SLC24A3: variants seen among roughly 807,000 people sequenced by gnomAD.
SLC24A3 encodes the protein solute carrier family 24 member 3, also known as sodium/potassium/calcium exchanger 3.
Under a neutral mutation model 75.8 loss-of-function variants are expected in SLC24A3, and 28 were observed. The observed-to-expected ratio is 0.37, with a 90% CI of 0.27 to 0.51. The LOEUF (loss-of-function observed/expected upper bound fraction) is 0.51. Among genes scored for constraint, SLC24A3 ranks in the 20% least tolerant of loss-of-function variants. The pLI is 0.94. For missense variants in SLC24A3, 663 were observed against 847.8 expected, an observed-to-expected ratio of 0.78 and a Z score of 2.71; for synonymous variants, 372 against 334.1, an observed-to-expected ratio of 1.11 and a Z score of -1.24.
chr20:19,642,148 CAGGGAG>C (rs1568682724), intron 6 of SLC24A3, among the ~76,000 whole-genome samples: 1 of 152,162 alleles, frequency 6.6e-6, no homozygotes, highest in Non-Finnish European at 1.5e-5. Flanking sequence ...TTGGCTCTTG[CAGGGAG>C]AGGCTTCAGC....
At chr20:19,335,243 T>G (rs1985103738) in intron 2 of SLC24A3, among the ~76,000 whole-genome samples, 1 of 152,220 alleles carries the variant, frequency 6.6e-6, no homozygotes, top group Non-Finnish European at 1.5e-5. Context: ...TTAAGAGGGC[T>G]AGAATGAAAT....
intron 1 of SLC24A3, among the ~76,000 whole-genome samples, chr20:19,223,611 ATAAC>A (rs1568561555): frequency 2.0e-5 from 3 of 152,230 alleles, no homozygotes; most frequent in African/African-American, 4.8e-5. Context: ...GAGATTAACA[ATAAC>A]TAACAATAAA....
At chr20:19,486,693 T>A (rs1988132317) in intron 2 of SLC24A3, among the ~76,000 whole-genome samples, 1 of 152,182 alleles carries the variant, frequency 6.6e-6, no homozygotes, top group Non-Finnish European at 1.5e-5. Context: ...GTTTTATCCT[T>A]GTATGTCTCG....
At chr20:19,488,477 A>G (rs1211350274) in intron 2 of SLC24A3, among the ~76,000 whole-genome samples, 1 of 152,180 alleles carries the variant, frequency 6.6e-6, no homozygotes, top group Admixed American at 6.5e-5. Context: ...TGCCTTCTAG[A>G]AAGAAATGAG....
intron 1 of SLC24A3, among the ~76,000 whole-genome samples, chr20:19,229,270 T>C (rs1981950735): frequency 6.6e-6 from 1 of 152,134 alleles, no homozygotes; most frequent in Non-Finnish European, 1.5e-5. Flanking sequence ...ATTTGGTGTA[T>C]TTTATCAATT....
chr20:19,530,081 A>AT (rs1270929593), intron 3 of SLC24A3, among the ~76,000 whole-genome samples: 2 of 152,066 alleles, frequency 1.3e-5, no homozygotes, highest in Non-Finnish European at 2.9e-5. Flanking sequence ...GCTGGCCTTT[A>AT]TTTTTTATTT....
At chr20:19,332,637 C>A (rs370797065) in intron 2 of SLC24A3, among the ~76,000 whole-genome samples, 5 of 152,148 alleles carry the variant, frequency 3.3e-5, no homozygotes, top group African/African-American at 1.2e-4. Context: ...AAATAGAAAC[C>A]CAGAATGGGA....
chr20:19,463,517 AG>A (rs1167074064), intron 2 of SLC24A3, among the ~76,000 whole-genome samples: 2 of 152,356 alleles, frequency 1.3e-5, no homozygotes, highest in East Asian at 3.9e-4. Context: ...GTTTCAAGAC[AG>A]GTCCCCGAGT....
At chr20:19,510,891 G>A (rs533664717) in intron 2 of SLC24A3, among the ~76,000 whole-genome samples, 4 of 152,316 alleles carry the variant, frequency 2.6e-5, no homozygotes, top group African/African-American at 7.2e-5. Flanking sequence ...CCAGACATGC[G>A]GATGGTTTCT....
intron 1 of SLC24A3, among the ~76,000 whole-genome samples, chr20:19,247,019 G>A (rs547944088): frequency 6.6e-5 from 10 of 152,244 alleles, no homozygotes; most frequent in African/African-American, 1.7e-4. Context: ...TATAATCAGC[G>A]TAATAAGTCA....
chr20:19,565,646 C>T (rs2030945539), intron 3 of SLC24A3, among the ~76,000 whole-genome samples: 1 of 152,176 alleles, frequency 6.6e-6, no homozygotes, highest in Non-Finnish European at 1.5e-5. Context: ...AGCAACCCAA[C>T]CAAGACCTCG....
At chr20:19,381,339 T>A (rs1986177554) in intron 2 of SLC24A3, among the ~76,000 whole-genome samples, 1 of 152,144 alleles carries the variant, frequency 6.6e-6, no homozygotes, top group African/African-American at 2.4e-5. Flanking sequence ...ATGCATTGTC[T>A]GGCAGACGGT....
At chr20:19,646,528 A>G (rs2032139258) in intron 6 of SLC24A3, among the ~76,000 whole-genome samples, 1 of 152,236 alleles carries the variant, frequency 6.6e-6, no homozygotes, top group African/African-American at 2.4e-5. Flanking sequence ...AACAACGATA[A>G]CAGTTAACAT....
chr20:19,276,721 A>G (rs1325712385), intron 1 of SLC24A3, among the ~76,000 whole-genome samples: 1 of 152,172 alleles, frequency 6.6e-6, no homozygotes, highest in East Asian at 1.9e-4. Flanking sequence ...CCTGGGCAAC[A>G]TAGTGAGACT....
At chr20:19,609,472 A>T (rs923443468) in intron 6 of SLC24A3, among the ~76,000 whole-genome samples, 2 of 152,112 alleles carry the variant, frequency 1.3e-5, no homozygotes, top group African/African-American at 4.8e-5. Flanking sequence ...TTATATAGGT[A>T]TACATGTACC....
At chr20:19,277,577 ATTCT>A (rs1983524028) in intron 1 of SLC24A3, among the ~76,000 whole-genome samples, 1 of 152,224 alleles carries the variant, frequency 6.6e-6, no homozygotes, top group South Asian at 2.1e-4. Context: ...TTGCTTCATC[ATTCT>A]TCTTTTCTCA....
intron 1 of SLC24A3, among the ~76,000 whole-genome samples, chr20:19,255,443 A>G (rs1600395512): frequency 6.6e-6 from 1 of 152,320 alleles, no homozygotes; most frequent in East Asian, 1.9e-4. Context: ...AGAAGTGTGG[A>G]CTTCCATGGA....
intron 2 of SLC24A3, among the ~76,000 whole-genome samples, chr20:19,514,746 C>T (rs1021613349): frequency 2.0e-5 from 3 of 152,282 alleles, no homozygotes; most frequent in East Asian, 3.9e-4. Context: ...AGTTCACAGA[C>T]TCCAGCTTTC....
intron 2 of SLC24A3, among the ~76,000 whole-genome samples, chr20:19,353,111 G>A (rs921825803): frequency 6.6e-6 from 1 of 152,164 alleles, no homozygotes; most frequent in African/African-American, 2.4e-5. Context: ...TGTATAGTAG[G>A]CTATACTAGC....
Sources: allele counts gnomAD v4.1 joint callset (sites outside exome capture counted in the v4.1 genomes callset), GRCh38; gene constraint gnomAD v4.1.1; transcripts MANE v1.5; gene names NCBI Gene and HGNC (gene_info 2026-07-23, HGNC 2026-07-21).